The following FABP3 variants were observed in gnomAD, a reference collection of about 807,000 sequenced individuals.
FABP3 encodes fatty acid binding protein 3.
FABP3 carries 8 observed loss-of-function variants against 13.4 expected under a neutral mutation model. The observed-to-expected ratio is 0.60, with a 90% confidence interval of 0.35 to 1.07. The LOEUF (loss-of-function observed/expected upper bound fraction) is 1.07, where lower values mean the gene tolerates loss of function less well. FABP3 is among the 50% of genes least tolerant of loss of function. The probability of loss-of-function intolerance (pLI) is 0.02; values close to 1 mark genes in which losing one functional copy is unlikely to be tolerated. For missense variants in FABP3, 135 were observed against 164.7 expected, an observed-to-expected ratio of 0.82 and a Z score of 0.99; for synonymous variants, 64 against 60.0, an observed-to-expected ratio of 1.07 and a Z score of -0.31.
chr1:31,369,971 G>T (rs928506462), intron 1 of FABP3, among the ~76,000 whole-genome samples: 1 of 152,058 alleles, frequency 6.6e-6, no homozygotes, highest in Admixed American at 6.6e-5. Flanking sequence ...CAGATGTGGT[G>T]GTATGTGCCT....
Position 31,373,048 on chromosome 1 carries a change from G to C in FABP3, c.-34C>G. 1 of 1,608,796 alleles carries C rather than the reference G, an allele frequency of 6.2e-7. No individual in the cohort carries two copies. The highest frequency in any genetic ancestry group is 8.5e-7 in the Non-Finnish European group (1 of 1,175,634). On this transcript the variant is annotated 5_prime_UTR_variant, in exon 1 of 4. Coordinates refer to ENST00000373713, the MANE Select transcript of FABP3 (RefSeq NM_004102.5). ...TGGGCTAGGCTGAGAGAAGCTACAAGAGAGCAGGCGTGCAAGGGCTCCGAC... is the reference window on the plus strand; with the variant it reads ...TGGGCTAGGCTGAGAGAAGCTACAACAGAGCAGGCGTGCAAGGGCTCCGAC...
intron 2 of FABP3, among the ~76,000 whole-genome samples, chr1:31,368,461 G>A (rs974940831): frequency 6.6e-6 from 1 of 152,178 alleles, no homozygotes; most frequent in Admixed American, 6.5e-5. Context: ...TGAGCAGGTG[G>A]TGGGGCAGCC....
At chr1:31,369,859 C>T (rs539962690) in intron 1 of FABP3, among the ~76,000 whole-genome samples, 48 of 152,150 alleles carry the variant, frequency 3.2e-4, no homozygotes, top group Non-Finnish European at 6.3e-4. Flanking sequence ...TGTAATCACA[C>T]TTTGGGAGGC....
downstream of FABP3, chr1:31,364,092 G>A: frequency 6.2e-7 from 1 of 1,613,836 alleles, no homozygotes; most frequent in Non-Finnish European, 8.5e-7. Context: ...CTCAGACTCT[G>A]AGAGTGATAC....
chr1:31,364,688 TG>T (rs1326298255), downstream of FABP3: 2 of 155,206 alleles, frequency 1.3e-5, no homozygotes, highest in African/African-American at 4.8e-5. Flanking sequence ...TGGTGAGAAG[TG>T]GTGCTCACTT....
At chr1:31,368,499 T>G (rs1284879081) in intron 2 of FABP3, among the ~76,000 whole-genome samples, 1 of 152,178 alleles carries the variant, frequency 6.6e-6, no homozygotes, top group Non-Finnish European at 1.5e-5. Flanking sequence ...ACTGCCATCT[T>G]TGGGCACCAT....
At chr1:31,367,270 C>T in intron 3 of FABP3, 123 bp downstream of exon 3, 1 of 824,282 alleles carries the variant, frequency 1.2e-6, no homozygotes. Flanking sequence ...CCCTGACCCA[C>T]AACCACTCTC....
At chr1:31,361,668 C>CA (rs146128394), downstream of FABP3, among the ~76,000 whole-genome samples, 879 of 152,316 alleles carry the variant, frequency 5.8e-3, 70 homozygotes, top group East Asian at 0.14. Context: ...ATATGATCTA[C>CA]ATGAAGATCC....
downstream of FABP3, chr1:31,364,329 T>C: frequency 7.1e-7 from 1 of 1,409,208 alleles, no homozygotes; most frequent in South Asian, 1.7e-5. Flanking sequence ...TGGCTTCCCC[T>C]CATGCAACAG....
At chr1:31,370,237 G>T (rs1640183305) in intron 1 of FABP3, among the ~76,000 whole-genome samples, 1 of 152,140 alleles carries the variant, frequency 6.6e-6, no homozygotes, top group African/African-American at 2.4e-5. Context: ...CAGAGGTAAA[G>T]CCCAGGGTCA....
downstream of FABP3, among the ~76,000 whole-genome samples, chr1:31,361,786 ATTATTTATTTATTTAT>A (rs3049344): frequency 9.6e-3 from 1,404 of 145,898 alleles, 24 homozygotes; most frequent in African/African-American, 0.031. Context: ...AGAGGGGGAG[ATTATTTATTTATTTAT>A]TTATTTATTT....
chr1:31,364,212 G>A (rs760574791), downstream of FABP3: 10 of 1,602,120 alleles, frequency 6.2e-6, no homozygotes, highest in African/African-American at 6.8e-5. Context: ...AGAGTGTAGG[G>A]GGTGGTTGAG....
downstream of FABP3, chr1:31,364,570 T>C (rs768317677): frequency 4.6e-6 from 1 of 219,324 alleles, no homozygotes; most frequent in Admixed American, 5.1e-5. Flanking sequence ...AGTTCGGCTG[T>C]AGTTAGAGTG....
intron 3 of FABP3, 64 bp from the exon 4 acceptor site, chr1:31,366,003 C>T (rs1036114727): frequency 6.4e-6 from 9 of 1,395,354 alleles, no homozygotes; most frequent in Non-Finnish European, 9.1e-6. Flanking sequence ...GCATTCTACC[C>T]TCCCTTCCTC....
the FABP3 span, among the ~76,000 whole-genome samples, chr1:31,359,838 C>G: frequency 5.3e-5 from 8 of 152,280 alleles, no homozygotes; most frequent in South Asian, 4.1e-4. Context: ...CCATCTGATA[C>G]TTGAATCCAT....
chr1:31,370,036 G>A (rs1640179424), intron 1 of FABP3, among the ~76,000 whole-genome samples: 1 of 150,838 alleles, frequency 6.6e-6, no homozygotes, highest in Non-Finnish European at 1.5e-5. Flanking sequence ...CCTAGGAGGT[G>A]GAGGTTGCAG....
downstream of FABP3, among the ~76,000 whole-genome samples, chr1:31,361,353 A>T (rs1295794534): frequency 5.3e-5 from 8 of 152,222 alleles, no homozygotes; most frequent in East Asian, 1.5e-3. Flanking sequence ...AAATACATAT[A>T]GCTCCCACTA....
downstream of FABP3, among the ~76,000 whole-genome samples, chr1:31,363,248 A>G (rs1418230444): frequency 1.3e-5 from 2 of 151,122 alleles, no homozygotes; most frequent in Admixed American, 1.3e-4. Flanking sequence ...CAGTGGCACA[A>G]TCTTAGCTCA....
intron 3 of FABP3, 106 bp from the exon 4 acceptor site, chr1:31,366,045 G>T: frequency 1.1e-6 from 1 of 932,620 alleles, no homozygotes; most frequent in Non-Finnish European, 1.7e-6. Context: ...CCTACTATGT[G>T]CCGGCTATAT....
Sources: allele counts gnomAD v4.1 joint callset (sites outside exome capture counted in the v4.1 genomes callset), GRCh38; gene constraint gnomAD v4.1.1; transcripts MANE v1.5; gene names NCBI Gene and HGNC (gene_info 2026-07-23, HGNC 2026-07-21).